PALLD: variants seen among roughly 807,000 people sequenced by gnomAD.
The protein encoded by PALLD is palladin, cytoskeletal associated protein, also known as palladin.
In PALLD, 61 loss-of-function variants were observed where a neutral mutation model predicts 123.5. The ratio of observed to expected loss-of-function variants is 0.49; its 90% confidence interval spans 0.40 to 0.61. PALLD has a LOEUF of 0.61. Ranked by LOEUF, PALLD falls within the 20% of genes least tolerant of loss-of-function variation. PALLD has a pLI of 0.00. For synonymous variants in PALLD, 465 were observed against 496.4 expected, an observed-to-expected ratio of 0.94 and a Z score of 0.84; for missense variants, 1,273 against 1,377.0, an observed-to-expected ratio of 0.92 and a Z score of 1.20.
At chr4:168,545,507 C>A (rs1180698455) in intron 2 of PALLD, among the ~76,000 whole-genome samples, 1 of 150,116 alleles carries the variant, frequency 6.7e-6, no homozygotes, top group Non-Finnish European at 1.5e-5. Context: ...CCAGCCTGGG[C>A]AACAAGAGAG....
chr4:168,736,714 G>T (rs1787792321), intron 10 of PALLD, among the ~76,000 whole-genome samples: 3 of 152,114 alleles, frequency 2.0e-5, no homozygotes, highest in South Asian at 4.1e-4. Flanking sequence ...GGTGGAGATG[G>T]CTGTGAGGGA....
chr4:168,723,078 A>G (rs1786182188), intron 10 of PALLD, among the ~76,000 whole-genome samples: 1 of 152,198 alleles, frequency 6.6e-6, no homozygotes, highest in African/African-American at 2.4e-5. Context: ...TCGAGTGGAT[A>G]GTTTAAGTGG....
intron 8 of PALLD, chr4:168,700,030 G>T: frequency 3.2e-6 from 1 of 309,864 alleles, no homozygotes; most frequent in African/African-American, 2.2e-5. Flanking sequence ...TGTCTTATAC[G>T]TCTTTGTTCG....
intron 2 of PALLD, among the ~76,000 whole-genome samples, chr4:168,626,126 C>A (rs1387311874): frequency 1.4e-5 from 2 of 145,574 alleles, no homozygotes; most frequent in Non-Finnish European, 3.0e-5. Context: ...ATTAGCCGGG[C>A]GTAGTGGCGG....
chr4:168,705,415 C>T (rs1419750269), intron 8 of PALLD, among the ~76,000 whole-genome samples: 1 of 152,108 alleles, frequency 6.6e-6, no homozygotes, highest in Non-Finnish European at 1.5e-5. Flanking sequence ...ATGGAGATTC[C>T]AGACTTTATC....
At chr4:168,711,454 A>G in intron 9 of PALLD, 127 bp from the exon 10 acceptor site, 1 of 750,604 alleles carries the variant, frequency 1.3e-6, no homozygotes, top group Non-Finnish European at 2.4e-6. Flanking sequence ...AGATGAGAGC[A>G]GCACAATCAC....
rs528717458 is a variant in PALLD, at chr4:168,756,485, A to T, written c.1964+44562A>T. 8.1e-4 allele frequency: 128 copies of T among 157,146 alleles called. 1 individual carries two copies. In the South Asian group the frequency reaches 0.017, roughly 20 times the overall value. 9.7% of individuals were successfully genotyped at this position (157,146 alleles called of 1,614,324 possible). On this transcript the variant is annotated intron_variant, in intron 10 of 21. Transcript: ENST00000505667. Reference sequence around the variant, plus strand: ...TGCAATAAAAGACAGCTATTGAAAAATAAAGTAGTGATGAGGTTTCAAGAC... The same window carrying T: ...TGCAATAAAAGACAGCTATTGAAAATTAAAGTAGTGATGAGGTTTCAAGAC...
At chr4:168,772,059 A>G (rs1734530848) in intron 10 of PALLD, among the ~76,000 whole-genome samples, 1 of 152,206 alleles carries the variant, frequency 6.6e-6, no homozygotes, top group Non-Finnish European at 1.5e-5. Context: ...AACCTTTTCT[A>G]CTGAGTAGGG....
intron 2 of PALLD, among the ~76,000 whole-genome samples, chr4:168,625,816 G>C (rs1775211322): frequency 6.6e-6 from 1 of 152,088 alleles, no homozygotes; most frequent in Non-Finnish European, 1.5e-5. Flanking sequence ...CCTGTTGGTG[G>C]AAATGTAAAA....
At chr4:168,737,791 A>G (rs1159268285) in intron 10 of PALLD, among the ~76,000 whole-genome samples, 2 of 152,234 alleles carry the variant, frequency 1.3e-5, no homozygotes, top group Non-Finnish European at 2.9e-5. Context: ...AATTCGGCCC[A>G]TACCTCTAAC....
At chr4:168,840,624 C>T (rs922360679) in intron 10 of PALLD, among the ~76,000 whole-genome samples, 12 of 152,080 alleles carry the variant, frequency 7.9e-5, no homozygotes, top group Admixed American at 5.2e-4. Flanking sequence ...AAATGAACAA[C>T]GTAGTCTGAC....
At chr4:168,661,887 A>G (rs1181880054) in intron 2 of PALLD, among the ~76,000 whole-genome samples, 1 of 152,184 alleles carries the variant, frequency 6.6e-6, no homozygotes, top group Non-Finnish European at 1.5e-5. Flanking sequence ...AATGACAACT[A>G]CTTCACAAGG....
chr4:168,631,774 G>T (rs1169083623), intron 2 of PALLD: 1 of 985,360 alleles, frequency 1.0e-6, no homozygotes, highest in African/African-American at 1.7e-5. Flanking sequence ...AATTTTCTCC[G>T]TTGCATTCTG....
chr4:168,541,443 T>TTTTATTTATTTA (rs60488300), intron 2 of PALLD, among the ~76,000 whole-genome samples: 74 of 147,772 alleles, frequency 5.0e-4, no homozygotes, highest in African/African-American at 1.1e-3. Flanking sequence ...CTCTCACTCA[T>TTTTATTTATTTA]TTTATTTATT....
chr4:168,522,212 CTT>C (rs1263480850), intron 2 of PALLD, among the ~76,000 whole-genome samples: 1 of 152,164 alleles, frequency 6.6e-6, no homozygotes, highest in East Asian at 1.9e-4. Context: ...TTTAGCCACT[CTT>C]TGTTTTTGTA....
At chr4:168,808,743 G>T (rs994852746) in intron 10 of PALLD, among the ~76,000 whole-genome samples, 5 of 152,138 alleles carry the variant, frequency 3.3e-5, no homozygotes, top group Admixed American at 2.6e-4. Context: ...CATGAGAGCC[G>T]ATGGAAACGA....
At chr4:168,852,723 G>T (rs1664397848) in intron 10 of PALLD, among the ~76,000 whole-genome samples, 1 of 152,212 alleles carries the variant, frequency 6.6e-6, no homozygotes, top group Admixed American at 6.5e-5. Context: ...TGGTTATTTT[G>T]CAAGAGGTAT....
At chr4:168,787,565 G>A (rs1480439276) in intron 10 of PALLD, among the ~76,000 whole-genome samples, 3 of 152,208 alleles carry the variant, frequency 2.0e-5, no homozygotes, top group Admixed American at 6.5e-5. Flanking sequence ...TTCAATTGCT[G>A]AATACCCAGA....
At position 168,632,290 on chromosome 4, in the gene PALLD, T is replaced by A. The variant is rs1775912297; in HGVS notation, c.909-35900T>A. Among the ~76,000 whole-genome samples, 3 of 152,324 alleles carry A rather than the reference T, an allele frequency of 2.0e-5. No homozygotes were observed. In the South Asian group the frequency reaches 6.2e-4, roughly 32 times the overall value. On this transcript the variant is annotated intron_variant, in intron 2 of 21. Transcript: ENST00000505667. Reference sequence around the variant, plus strand: ...GAGCCCAATGAGTTTGTATTTTCTCTAATTACTTTGTAATCGGCTCCATCC... The same window carrying A: ...GAGCCCAATGAGTTTGTATTTTCTCAAATTACTTTGTAATCGGCTCCATCC...
Sources: allele counts gnomAD v4.1 joint callset (sites outside exome capture counted in the v4.1 genomes callset), GRCh38; gene constraint gnomAD v4.1.1; transcripts MANE v1.5; gene names NCBI Gene and HGNC (gene_info 2026-07-23, HGNC 2026-07-21).